Variants in PRDM16 observed in about 807,000 individuals in gnomAD.
PRDM16 encodes the protein histone-lysine N-methyltransferase PRDM16.
A neutral mutation model predicts 110.6 loss-of-function variants in PRDM16; 23 were observed. That is an observed-to-expected ratio of 0.21 (90% CI 0.15 to 0.29). The LOEUF (loss-of-function observed/expected upper bound fraction) is 0.29. Among genes scored for constraint, PRDM16 ranks in the 10% least tolerant of loss-of-function variants. PRDM16 has a pLI of 1.00. For synonymous variants in PRDM16, 799 were observed against 781.8 expected (o/e 1.02, Z -0.37); for missense variants, 1,615 against 1,794.3 (o/e 0.90, Z 1.81).
intron 1 of PRDM16, among the ~76,000 whole-genome samples, chr1:3,112,503 T>TC (rs1217755652): frequency 1.3e-5 from 2 of 152,242 alleles, no homozygotes; most frequent in Admixed American, 6.5e-5. Context: ...GGCTCTGTGT[T>TC]CCCGGGCCGG....
intron 1 of PRDM16, among the ~76,000 whole-genome samples, chr1:3,147,149 CGGTGTGA>C (rs1250253939): frequency 7.3e-6 from 1 of 137,110 alleles, no homozygotes; most frequent in African/African-American, 2.8e-5. Flanking sequence ...TGTGTGTGCT[CGGTGTGA>C]GGTGTGTGCA....
chr1:3,142,638 G>A lies in PRDM16; in HGVS notation c.38-43487G>A, dbSNP rs539168581. Among the ~76,000 whole-genome samples, 15 of 152,300 alleles carry A rather than the reference G, an allele frequency of 9.8e-5. No individual in the cohort carries two copies. The South Asian group carries it at 2.5e-3, about 25-fold the overall frequency. On this transcript the variant is annotated intron_variant, in intron 1 of 16. Transcript: ENST00000270722. ...ACTGCCGTGTATGTTCCCAGTGTGC[G>A]GACCCCAGGGTGCGCACAGGCAACG...
chr1:3,074,507 A>G (rs914405565), intron 1 of PRDM16, among the ~76,000 whole-genome samples: 1 of 152,104 alleles, frequency 6.6e-6, no homozygotes, highest in Non-Finnish European at 1.5e-5. Flanking sequence ...TGTTCTTAAA[A>G]AGCAGGCAGG....
At chr1:3,376,360 C>T (rs1439566367) in intron 3 of PRDM16, among the ~76,000 whole-genome samples, 1 of 152,202 alleles carries the variant, frequency 6.6e-6, no homozygotes. Context: ...GCCCCCCAGG[C>T]GTGGACTCCA....
At chr1:3,170,705 G>A (rs1644015892) in intron 1 of PRDM16, among the ~76,000 whole-genome samples, 1 of 152,142 alleles carries the variant, frequency 6.6e-6, no homozygotes. Flanking sequence ...CGGGGGAGCA[G>A]GGGAAGGGAG....
chr1:3,076,075 GC>G (rs1424275057), intron 1 of PRDM16, among the ~76,000 whole-genome samples: 1 of 152,218 alleles, frequency 6.6e-6, no homozygotes, highest in African/African-American at 2.4e-5. Context: ...GCTTGGCAAA[GC>G]GGCTTTCTGA....
intron 3 of PRDM16, among the ~76,000 whole-genome samples, chr1:3,278,986 G>T (rs79447820): frequency 0.026 from 3,990 of 152,332 alleles, 164 homozygotes; most frequent in African/African-American, 0.087. Context: ...GGCGCTGGCC[G>T]TGTGCTCCGT....
At chr1:3,360,883 G>T (rs1450910508) in intron 3 of PRDM16, among the ~76,000 whole-genome samples, 3 of 152,318 alleles carry the variant, frequency 2.0e-5, no homozygotes. Flanking sequence ...TCCCCAAGTG[G>T]AACATCCCTG....
At chr1:3,070,854 C>T (rs928806052) in intron 1 of PRDM16, among the ~76,000 whole-genome samples, 1 of 152,238 alleles carries the variant, frequency 6.6e-6, no homozygotes, top group Non-Finnish European at 1.5e-5. Flanking sequence ...ATCGGCCGTT[C>T]CCGGCCCCTG....
rs763662078 is a variant in PRDM16 at position 3,265,214 on chromosome 1, C to T, written c.438+21077C>T. ...ATGAGACAGGAGCAGGGCTCTGGGT[C>T]CGGAGAAATTGCAACCATGGCTTGA... On this transcript the variant is annotated intron_variant, in intron 3 of 16. Coordinates refer to ENST00000270722, the MANE Select transcript of PRDM16 (RefSeq NM_022114.4). This position sits in a 1 kb window ranked among gnomAD's most constrained non-coding sequence, Gnocchi z 4.5. Among the ~76,000 whole-genome samples, 10 of 152,048 alleles carry T rather than the reference C, an allele frequency of 6.6e-5. No individual in the cohort carries two copies. The highest frequency in any genetic ancestry group is 9.7e-5 in the African/African-American group (4 of 41,378).
chr1:3,245,893 T>C lies in PRDM16; in HGVS notation c.438+1756T>C, dbSNP rs1328005909. 1.3e-5 allele frequency among the ~76,000 whole-genome samples: 2 copies of C among 152,214 alleles called. No individual in the cohort carries two copies. Among genetic ancestry groups the C allele is most frequent in the Non-Finnish European group, 2.9e-5 (2 of 68,038 alleles). On this transcript the variant is annotated intron_variant, in intron 3 of 16. Transcript: ENST00000270722. This position sits in a 1 kb window ranked among gnomAD's most constrained non-coding sequence, Gnocchi z 4.7. Reference sequence around the variant, plus strand: ...GAAATCACTGGGTTTTCCACCCCGATGCGTCCCTGGACCGTCTGACATTTT... The same window carrying C: ...GAAATCACTGGGTTTTCCACCCCGACGCGTCCCTGGACCGTCTGACATTTT...
At chr1:3,221,176 G>C (rs1307361177) in intron 2 of PRDM16, among the ~76,000 whole-genome samples, 1 of 152,178 alleles carries the variant, frequency 6.6e-6, no homozygotes, top group African/African-American at 2.4e-5. Context: ...TCAGCATTCG[G>C]TCTCTGGCAA....
chr1:3,167,479 C>T (rs1054248343), intron 1 of PRDM16, among the ~76,000 whole-genome samples: 3 of 151,990 alleles, frequency 2.0e-5, no homozygotes, highest in African/African-American at 4.8e-5. Flanking sequence ...GCAGCCGGGG[C>T]GAAGGGCCTC....
At chr1:3,073,612 G>C (rs1641819345) in intron 1 of PRDM16, among the ~76,000 whole-genome samples, 1 of 152,104 alleles carries the variant, frequency 6.6e-6, no homozygotes, top group Non-Finnish European at 1.5e-5. Flanking sequence ...GCGGCCGCGG[G>C]CTCAGAATCG....
At chr1:3,433,361 T>G (rs940619829) in intron 16 of PRDM16, among the ~76,000 whole-genome samples, 1 of 152,226 alleles carries the variant, frequency 6.6e-6, no homozygotes, top group African/African-American at 2.4e-5. Context: ...CAGGGCAAGG[T>G]TGAGCCAGGC....
At chr1:3,281,826 G>A (rs549544565) in intron 3 of PRDM16, among the ~76,000 whole-genome samples, 1 of 152,248 alleles carries the variant, frequency 6.6e-6, no homozygotes, top group Non-Finnish European at 1.5e-5. Flanking sequence ...GTTGCTTTCA[G>A]GAAACCAGGG....
chr1:3,262,222 G>A (rs996159544), intron 3 of PRDM16, among the ~76,000 whole-genome samples: 1 of 152,220 alleles, frequency 6.6e-6, no homozygotes, highest in Non-Finnish European at 1.5e-5. Flanking sequence ...ACAGACATGA[G>A]GCTCCTGTTT....
chr1:3,251,628 G>A (rs1232256340), intron 3 of PRDM16, among the ~76,000 whole-genome samples: 5 of 152,114 alleles, frequency 3.3e-5, no homozygotes, highest in Admixed American at 1.3e-4. Context: ...GGTGCCCAGG[G>A]CAGCCCCTCC....
At position 3,253,369 on chromosome 1, in the gene PRDM16, C is replaced by G. The variant is rs546890790; in HGVS notation, c.438+9232C>G. Among the ~76,000 whole-genome samples, 4 of 125,712 alleles carry G rather than the reference C, an allele frequency of 3.2e-5. 1 individual carries two copies. Among genetic ancestry groups the G allele is most frequent in the African/African-American group, 1.2e-4 (4 of 33,616 alleles). 82.5% of individuals were successfully genotyped at this position (125,712 alleles called of 152,430 possible). ...CTATCCCTCCCCCCCTCCCCCCACCCCACAACAGTCCCCAGAGTGTGATGT... is the reference window on the plus strand; with the variant it reads ...CTATCCCTCCCCCCCTCCCCCCACCGCACAACAGTCCCCAGAGTGTGATGT... On this transcript the variant is annotated intron_variant, in intron 3 of 16. Transcript: ENST00000270722.
Sources: allele counts gnomAD v4.1 joint callset (sites outside exome capture counted in the v4.1 genomes callset), GRCh38; gene constraint gnomAD v4.1.1; non-coding constraint Gnocchi (gnomAD v3.1); transcripts MANE v1.5; gene names NCBI Gene and HGNC (gene_info 2026-07-23, HGNC 2026-07-21).